The following WWTR1 variants were observed in gnomAD, a reference collection of about 807,000 sequenced individuals.
The protein encoded by WWTR1 is WW domain containing transcription regulator 1.
A neutral mutation model predicts 40.1 loss-of-function variants in WWTR1; 13 were observed. That is an observed-to-expected ratio of 0.32 (90% confidence interval 0.21 to 0.52). WWTR1 has a LOEUF of 0.52. Ranked by LOEUF, WWTR1 falls within the 20% of genes least tolerant of loss-of-function variation. The probability of loss-of-function intolerance (pLI) is 0.97; values close to 1 mark genes in which losing one functional copy is unlikely to be tolerated. For missense variants in WWTR1, 436 were observed against 523.1 expected (o/e 0.83, Z 1.63); for synonymous variants, 230 against 210.1 (o/e 1.09, Z -0.82).
chr3:149,551,441 TG>T (rs1736615124), intron 3 of WWTR1, among the ~76,000 whole-genome samples: 1 of 146,132 alleles, frequency 6.8e-6, no homozygotes, highest in African/African-American at 2.6e-5. Flanking sequence ...ACTTCCTCCT[TG>T]GAACAAGTGT....
In WWTR1 at chr3:149,520,159, C is replaced by T. The variant is rs1415534039; in HGVS notation, c.*646G>A. The T allele has an allele frequency of 6.6e-6, 1 of 152,152 alleles. No homozygotes were observed. Among genetic ancestry groups the T allele is most frequent in the Admixed American group, 6.5e-5 (1 of 15,268 alleles). The allele number at this position is 152,152 out of a possible 1,614,324, so 9.4% of individuals were successfully genotyped here. A position where few individuals can be genotyped will look rare whatever the true frequency, so the allele number is the denominator to read the frequency against. On this transcript the variant is annotated 3_prime_UTR_variant, in exon 7 of 7. Transcript: ENST00000360632. ...CTGGAGGGACTAAGTTGTCTAGATG[C>T]TCTGCAGTAAAATAACGAAAGATAA...
At chr3:149,541,197 G>GA (rs1736082571) in intron 4 of WWTR1, 5 of 364,764 alleles carry the variant, frequency 1.4e-5, no homozygotes, top group African/African-American at 2.1e-5. Context: ...AATGTAGCCA[G>GA]AAAAAAAGCA....
chr3:149,638,045 G>A (rs886631638), intron 2 of WWTR1, among the ~76,000 whole-genome samples: 15 of 152,036 alleles, frequency 9.9e-5, no homozygotes, highest in East Asian at 1.9e-4. Context: ...GTGAAACCCC[G>A]TCTCTACTAA....
intron 4 of WWTR1, among the ~76,000 whole-genome samples, chr3:149,719,427 T>TC (rs1283638952): frequency 6.6e-6 from 1 of 152,182 alleles, no homozygotes; most frequent in Non-Finnish European, 1.5e-5. Context: ...TGCCTCGGCT[T>TC]CCCAAAGTGC....
At chr3:149,528,110 T>C (rs1735415274) in intron 4 of WWTR1, 141 bp from the exon 5 acceptor site, 2 of 1,082,054 alleles carry the variant, frequency 1.8e-6, no homozygotes, top group South Asian at 3.5e-5. Context: ...AGGCAACCAT[T>C]AGTATTCTTT....
At chr3:149,647,044 A>G (rs1460315132) in intron 2 of WWTR1, among the ~76,000 whole-genome samples, 1 of 151,974 alleles carries the variant, frequency 6.6e-6, no homozygotes, top group Non-Finnish European at 1.5e-5. Context: ...TACTAAGTGA[A>G]AAAAAAAGAA....
intron 2 of WWTR1, among the ~76,000 whole-genome samples, chr3:149,628,834 CATG>C (rs1341694548): frequency 2.6e-5 from 4 of 151,630 alleles, no homozygotes; most frequent in African/African-American, 9.7e-5. Context: ...AGTACAGTGG[CATG>C]ATAACAGCTC....
At chr3:149,661,248 G>A (rs951606494), upstream of WWTR1, 1 of 152,436 alleles carries the variant, frequency 6.6e-6, no homozygotes, top group African/African-American at 2.4e-5. Context: ...CAACCCCACC[G>A]GCTGACTGCA....
chr3:149,698,636 C>T (rs1715071290), intron 1 of WWTR1, among the ~76,000 whole-genome samples: 1 of 152,230 alleles, frequency 6.6e-6, no homozygotes, highest in African/African-American at 2.4e-5. Context: ...GGGCTCCACC[C>T]CTGTGGCAGG....
At chr3:149,540,761 C>G (rs55641555) in intron 4 of WWTR1, among the ~76,000 whole-genome samples, 39,624 of 151,644 alleles carry the variant, frequency 0.26, 5,399 homozygotes, top group East Asian at 0.35. Flanking sequence ...CTGTAGTTAC[C>G]TAATTATTAA....
chr3:149,705,898 C>T (rs1160097100), upstream of WWTR1, among the ~76,000 whole-genome samples: 1 of 152,156 alleles, frequency 6.6e-6, no homozygotes, highest in Non-Finnish European at 1.5e-5. Flanking sequence ...CCACACAGCC[C>T]TGAAAAATAA....
At chr3:149,663,114 C>T (rs1431455636) in intron 2 of WWTR1, among the ~76,000 whole-genome samples, 1 of 152,080 alleles carries the variant, frequency 6.6e-6, no homozygotes, top group East Asian at 1.9e-4. Context: ...CTCACTGCAA[C>T]ATCCGCCTCC....
At chr3:149,624,987 T>C (rs1405004367) in intron 2 of WWTR1, among the ~76,000 whole-genome samples, 1 of 151,492 alleles carries the variant, frequency 6.6e-6, no homozygotes, top group Admixed American at 6.6e-5. Flanking sequence ...CACCTCAGCC[T>C]CCCAAAGCGC....
At chr3:149,654,498 C>T (rs1713081630) in intron 2 of WWTR1, among the ~76,000 whole-genome samples, 1 of 152,108 alleles carries the variant, frequency 6.6e-6, no homozygotes, top group South Asian at 2.1e-4. Flanking sequence ...TCATTGACTA[C>T]CCAAAGTGAA....
intron 6 of WWTR1, among the ~76,000 whole-genome samples, chr3:149,521,412 C>G (rs532107725): frequency 2.6e-5 from 4 of 152,254 alleles, no homozygotes; most frequent in Admixed American, 2.6e-4. Flanking sequence ...TTCTTTTAAC[C>G]AGGCTATTAA....
intron 2 of WWTR1, among the ~76,000 whole-genome samples, chr3:149,596,441 T>C (rs928319463): frequency 3.3e-5 from 5 of 152,126 alleles, no homozygotes; most frequent in Non-Finnish European, 5.9e-5. Context: ...GAGAAATCCC[T>C]CTGTAACCTG....
chr3:149,534,174 AAAAG>A (rs1367196767), intron 4 of WWTR1, among the ~76,000 whole-genome samples: 3 of 152,190 alleles, frequency 2.0e-5, no homozygotes, highest in Non-Finnish European at 4.4e-5. Context: ...TGTCTAAAAA[AAAAG>A]AAAGAAAAAG....
Position 149,568,523 on chromosome 3 carries a change from C to CAAAA in WWTR1, c.568+4337_568+4340dup, listed in dbSNP as rs34414853. Among the ~76,000 whole-genome samples, 163 of 64,804 alleles carry CAAAA rather than the reference C, an allele frequency of 2.5e-3. 17 individuals are homozygous for CAAAA. Among genetic ancestry groups the CAAAA allele is most frequent in the Non-Finnish European group, 3.5e-3 (112 of 31,614 alleles). 42.5% of individuals were successfully genotyped at this position (64,804 alleles called of 152,430 possible). On this transcript the variant is annotated intron_variant, in intron 3 of 6. Transcript: ENST00000360632. ...GGAGATGGCTATTTGAATTAAAGTG[C>CAAAA]AAAAAAAAAAAAAAAAAAAAAAAAA...
chr3:149,682,051 AG>A (rs1394404365), intron 1 of WWTR1, among the ~76,000 whole-genome samples: 3 of 148,848 alleles, frequency 2.0e-5, no homozygotes, highest in Non-Finnish European at 4.4e-5. Context: ...TTCTTACTAC[AG>A]TAAAATAAAA....
Sources: gnomAD v4.1 joint callset for allele counts (sites outside exome capture counted in the v4.1 genomes callset) on GRCh38, gnomAD v4.1.1 for gene constraint, MANE v1.5 for transcripts, NCBI Gene and HGNC (gene_info 2026-07-23, HGNC 2026-07-21) for gene names.